Variants in PCDHA9 observed in about 807,000 individuals in gnomAD.
The protein encoded by PCDHA9 is protocadherin alpha-9.
Under a neutral mutation model 62.0 loss-of-function variants are expected in PCDHA9, and 62 were observed. The observed-to-expected ratio is 1.00, with a 90% CI of 0.81 to 1.23. The LOEUF is 1.23. PCDHA9 is among the 50% of genes most tolerant of loss of function. PCDHA9 has a pLI of 0.00. For synonymous variants in PCDHA9, 557 were observed against 567.6 expected (o/e 0.98, Z 0.27); for missense variants, 1,205 against 1,249.8 (o/e 0.96, Z 0.54).
At chr5:140,896,113 T>G (rs10053583) in intron 1 of PCDHA9, among the ~76,000 whole-genome samples, 1 of 152,170 alleles carries the variant, frequency 6.6e-6, no homozygotes, top group East Asian at 1.9e-4. Flanking sequence ...GCCTGGCCAA[T>G]GTACTGCATT....
At chr5:140,880,643 A>G (rs937655917) in intron 1 of PCDHA9, among the ~76,000 whole-genome samples, 1 of 152,198 alleles carries the variant, frequency 6.6e-6, no homozygotes, top group African/African-American at 2.4e-5. Context: ...TTCACTTGAG[A>G]GCCCAACTGA....
chr5:140,871,343 G>A (rs782701070), intron 1 of PCDHA9: 3 of 1,614,194 alleles, frequency 1.9e-6, no homozygotes, highest in East Asian at 2.2e-5. Context: ...GTGGGGAGCT[G>A]GTCATACTCG....
chr5:140,988,578 C>A (rs1490917539), intron 3 of PCDHA9, among the ~76,000 whole-genome samples: 1 of 152,138 alleles, frequency 6.6e-6, no homozygotes, highest in African/African-American at 2.4e-5. Context: ...ACACTCTGTA[C>A]CTTCCACTTT....
At chr5:140,867,198 C>A (rs1286853388) in intron 1 of PCDHA9, 1 of 152,110 alleles carries the variant, frequency 6.6e-6, no homozygotes, top group East Asian at 1.9e-4. Flanking sequence ...ACTCCACATT[C>A]CATGTAACAT....
At chr5:140,976,424 G>A (rs2096715736) in intron 1 of PCDHA9, among the ~76,000 whole-genome samples, 1 of 152,114 alleles carries the variant, frequency 6.6e-6, no homozygotes, top group Non-Finnish European at 1.5e-5. Flanking sequence ...GGTGGCAGAT[G>A]CCTGTAATCC....
intron 1 of PCDHA9, chr5:140,877,636 C>T (rs1554169939): frequency 1.2e-6 from 2 of 1,613,640 alleles, no homozygotes; most frequent in Admixed American, 1.7e-5. Context: ...CACTGCGCTG[C>T]GTTGCTCAGC....
intron 1 of PCDHA9, chr5:140,877,750 T>C (rs782654875): frequency 6.2e-7 from 1 of 1,614,146 alleles, no homozygotes; most frequent in Non-Finnish European, 8.5e-7. Flanking sequence ...GAGGGTGTGC[T>C]CTGCAGAGAG....
chr5:140,993,460 TCTCACACACACA>T (rs2097560533), intron 3 of PCDHA9, among the ~76,000 whole-genome samples: 2 of 104,506 alleles, frequency 1.9e-5, no homozygotes, highest in South Asian at 3.7e-4. Context: ...CTTCTTTCTT[TCTCACACACACA>T]CACACACACA....
intron 1 of PCDHA9, chr5:140,869,400 C>T (rs782134920): frequency 1.2e-6 from 2 of 1,614,026 alleles, no homozygotes; most frequent in African/African-American, 2.7e-5. Flanking sequence ...GCGGGCAGAG[C>T]GCGGAGTGCA....
At chr5:140,929,268 A>G (rs1303371377) in intron 1 of PCDHA9, 1 of 1,611,476 alleles carries the variant, frequency 6.2e-7, no homozygotes, top group Non-Finnish European at 8.5e-7. Flanking sequence ...TGAATTTGCC[A>G]ATATCCTGTA....
At chr5:140,884,341 G>C in intron 1 of PCDHA9, 2 of 1,613,910 alleles carry the variant, frequency 1.2e-6, no homozygotes, top group Non-Finnish European at 1.7e-6. Context: ...GTCCAGAAGC[G>C]GCGCTGGTGG....
chr5:140,927,099 T>G lies in PCDHA9; in HGVS notation c.2395-51850T>G, dbSNP rs782352775. 10 of 1,613,434 alleles carry G rather than the reference T, an allele frequency of 6.2e-6. No homozygotes were observed. In the South Asian group the frequency reaches 7.7e-5, roughly 12 times the overall value. On this transcript the variant is annotated intron_variant, in intron 1 of 3. Coordinates refer to ENST00000532602, the MANE Select transcript of PCDHA9 (RefSeq NM_031857.2). The stretch of plus-strand genomic sequence containing the variant: ...ACCGCGAGCTCTACTTCGGGGTGGA[T>G]CTACCCAGCGGCAATTTGGTGGTCA...
chr5:140,988,900 G>A (rs2097319351), intron 3 of PCDHA9: 1 of 152,194 alleles, frequency 6.6e-6, no homozygotes, highest in Admixed American at 6.5e-5. Context: ...ACATTTTAGA[G>A]GGTGTAGTGA....
chr5:140,870,678 G>C (rs1304914174), intron 1 of PCDHA9: 1 of 1,612,626 alleles, frequency 6.2e-7, no homozygotes, highest in African/African-American at 1.3e-5. Context: ...TGGACCACGA[G>C]GAGCTGGAGC....
At chr5:140,980,616 G>A (rs2096898086) in intron 2 of PCDHA9, among the ~76,000 whole-genome samples, 4 of 151,912 alleles carry the variant, frequency 2.6e-5, no homozygotes, top group Admixed American at 2.0e-4. Context: ...GCGACAGTGC[G>A]AGACTCTGTC....
chr5:140,879,100 T>C (rs2057854721), intron 1 of PCDHA9, among the ~76,000 whole-genome samples: 1 of 152,190 alleles, frequency 6.6e-6, no homozygotes, highest in African/African-American at 2.4e-5. Context: ...CTGCACAGTA[T>C]ATGGTGTAAT....
Position 140,857,204 on chromosome 5 carries a change from T to C in PCDHA9, c.2394+6315T>C, listed in dbSNP as rs202111737. On this transcript the variant is annotated intron_variant, in intron 1 of 3. Coordinates refer to ENST00000532602, the MANE Select transcript of PCDHA9 (RefSeq NM_031857.2). ...TTCAGGAGCCAACGGACAGGTCACC[T>C]GCTCTCTGACGCCTCACGTTCCGTT... 221 of 1,598,644 alleles carry C rather than the reference T, an allele frequency of 1.4e-4. 20 individuals are homozygous for C. The highest frequency in any genetic ancestry group is 2.4e-4 in the Admixed American group (14 of 59,320).
At position 140,870,595 on chromosome 5, in the gene PCDHA9, T is replaced by G. The variant is rs573002634; in HGVS notation, c.2394+19706T>G. ...GTCCTACTCGCTGGTGGAGCGGCGG[T>G]TGGGCGACCGCGCGCTGTCGAGCTA... On this transcript the variant is annotated intron_variant, in intron 1 of 3. Transcript: ENST00000532602. The G allele has an allele frequency of 8.9e-5, 144 of 1,613,242 alleles. No homozygotes were observed. The South Asian group carries it at 9.4e-4, about 11-fold the overall frequency.
At chr5:140,966,973 G>A (rs782189736) in intron 1 of PCDHA9, 9 of 1,602,936 alleles carry the variant, frequency 5.6e-6, no homozygotes, top group African/African-American at 4.0e-5. Flanking sequence ...GGCTTGAGCT[G>A]CGGCGCTTGG....
Sources: allele counts gnomAD v4.1 joint callset (sites outside exome capture counted in the v4.1 genomes callset), GRCh38; gene constraint gnomAD v4.1.1; transcripts MANE v1.5; gene names NCBI Gene and HGNC (gene_info 2026-07-23, HGNC 2026-07-21).